Variants in ESYT2 observed in about 807,000 individuals in gnomAD.
The protein encoded by ESYT2 is extended synaptotagmin 2, also known as extended synaptotagmin-2.
ESYT2 carries 54 observed loss-of-function variants against 107.2 expected under a neutral mutation model. The ratio of observed to expected loss-of-function variants is 0.50; its 90% CI spans 0.40 to 0.63. The LOEUF is 0.63. ESYT2 is among the 30% of genes least tolerant of loss of function. The pLI is 0.00. For synonymous variants in ESYT2, 491 were observed against 434.1 expected (o/e 1.13, Z -1.63); for missense variants, 1,020 against 1,094.5 (o/e 0.93, Z 0.96).
At chr7:158,744,812 A>AT (rs1243226258) in intron 16 of ESYT2, among the ~76,000 whole-genome samples, 2 of 152,246 alleles carry the variant, frequency 1.3e-5, no homozygotes, top group Admixed American at 6.5e-5. Flanking sequence ...AAATTAACAC[A>AT]TAACTACTCA....
rs139378459 is a variant in ESYT2, at chr7:158,792,122, G to A, written c.584+1528C>T. On this transcript the variant is annotated intron_variant, in intron 4 of 22. Transcript: ENST00000275418. ...ATTTTAGTGTGTTCACTTTGTATCCGGCTACTTTCCTGAATTTATTTCTTA... is the reference window on the plus strand; with the variant it reads ...ATTTTAGTGTGTTCACTTTGTATCCAGCTACTTTCCTGAATTTATTTCTTA... 2.6e-3 allele frequency among the ~76,000 whole-genome samples: 384 copies of A among 147,832 alleles called. 3 individuals carry two copies. The highest frequency in any genetic ancestry group is 8.4e-3 in the African/African-American group (341 of 40,390).
chr7:158,758,909 TACAA>T (rs1837862113), intron 13 of ESYT2, among the ~76,000 whole-genome samples: 1 of 152,234 alleles, frequency 6.6e-6, no homozygotes, highest in African/African-American at 2.4e-5. Context: ...ACAATTCTGA[TACAA>T]ACAAAAATAT....
Position 158,760,397 on chromosome 7 carries a change from G to A in ESYT2, c.1234-250C>T, listed in dbSNP as rs115776498. ...AGTGCTTTACACACACCAACCCCGTGACCCCGACAGAAACCCTAAGCAAGT... is the reference window on the plus strand; with the variant it reads ...AGTGCTTTACACACACCAACCCCGTAACCCCGACAGAAACCCTAAGCAAGT... On this transcript the variant is annotated intron_variant, in intron 11 of 22. Coordinates refer to ENST00000275418, the MANE Select transcript of ESYT2 (RefSeq NM_001367773.1). Among the ~76,000 whole-genome samples the A allele has an allele frequency of 8.4e-3, 1,274 of 152,312 alleles. 20 individuals are homozygous for A. Among genetic ancestry groups the A allele is most frequent in the African/African-American group, 0.029 (1,211 of 41,562 alleles).
chr7:158,782,484 AG>A, intron 6 of ESYT2, among the ~76,000 whole-genome samples: 1 of 88,570 alleles, frequency 1.1e-5, no homozygotes, highest in African/African-American at 2.9e-5. Flanking sequence ...GAACAGTGAG[AG>A]GTGTGTGTGA....
chr7:158,828,239 G>A (rs993057086), intron 1 of ESYT2, among the ~76,000 whole-genome samples: 3 of 152,212 alleles, frequency 2.0e-5, no homozygotes, highest in Non-Finnish European at 4.4e-5. Flanking sequence ...CCCGGTAGAA[G>A]AAAAAGTTAA....
chr7:158,788,239 C>A, intron 5 of ESYT2, 106 bp downstream of exon 5: 1 of 1,234,796 alleles, frequency 8.1e-7, no homozygotes, highest in African/African-American at 1.5e-5. Context: ...AAAAACTGAA[C>A]GTCAAAAAAA....
rs947180594 is a variant in ESYT2, at chr7:158,745,050, A to C, written c.1645-1372T>G. Among the ~76,000 whole-genome samples the C allele has an allele frequency of 3.9e-5, 6 of 152,374 alleles. No individual in the cohort carries two copies. In the East Asian group the frequency reaches 7.7e-4, roughly 20 times the overall value. On this transcript the variant is annotated intron_variant, in intron 16 of 22. Transcript: ENST00000275418. ...TTTTGTATAAAACAGAATGTAAAAA[A>C]GTATCAGATTGGGGCAAAAGTAATT...
chr7:158,749,587 C>T (rs535013807), intron 15 of ESYT2, 62 bp downstream of exon 15: 10 of 1,533,524 alleles, frequency 6.5e-6, no homozygotes, highest in African/African-American at 2.7e-5. Flanking sequence ...CCAGGTGAGA[C>T]GGCAACACGG....
At chr7:158,755,708 A>AGC (rs1188901801) in intron 13 of ESYT2, among the ~76,000 whole-genome samples, 1 of 152,240 alleles carries the variant, frequency 6.6e-6, no homozygotes, top group Non-Finnish European at 1.5e-5. Context: ...ACAGCCAGAG[A>AGC]GACTATGGTT....
chr7:158,751,990 A>C (rs1195164692), intron 14 of ESYT2, among the ~76,000 whole-genome samples: 1 of 152,146 alleles, frequency 6.6e-6, no homozygotes, highest in African/African-American at 2.4e-5. Flanking sequence ...CAAATACCAC[A>C]ATATAAAGCA....
intron 11 of ESYT2, among the ~76,000 whole-genome samples, chr7:158,761,183 C>G (rs1452544516): frequency 6.6e-6 from 1 of 152,228 alleles, no homozygotes. Flanking sequence ...GCATCTCGCA[C>G]AGCCCTGCCC....
rs150227675 is a variant in ESYT2, at chr7:158,772,937, G to A, written c.803+404C>T. 2.5e-4 allele frequency among the ~76,000 whole-genome samples: 37 copies of A among 149,802 alleles called. No homozygotes were observed. The East Asian group carries it at 5.6e-3, about 23-fold the overall frequency. ...AGAAAGGGTGGGGTAGCCATAGGCT[G>A]GAGAGACCCTGGAAAGCATTTCCTT... On this transcript the variant is annotated intron_variant, in intron 7 of 22. Coordinates refer to ENST00000275418, the MANE Select transcript of ESYT2 (RefSeq NM_001367773.1).
chr7:158,780,809 C>A (rs533524552), intron 6 of ESYT2, among the ~76,000 whole-genome samples: 2 of 152,254 alleles, frequency 1.3e-5, no homozygotes, highest in East Asian at 1.9e-4. Flanking sequence ...GCAAAGGGGT[C>A]CCCATGTTCA....
At position 158,741,784 on chromosome 7, in the gene ESYT2, G is replaced by A; in HGVS notation, c.1907C>T (p.Ser636Phe). ...GCTGCCACCAGGGCCTGGAGACCCA[G>A]ACATATGAGATTTGATGGATGTTTT... ...GRKTSIKSHMSGSPGPGGSNT... is the reference protein window; with the variant it reads ...GRKTSIKSHMFGSPGPGGSNT... Residue 636 changes from serine to phenylalanine, a missense_variant, in exon 18 of 23, where the codon TCT becomes TTT. Physicochemically the swap from Ser to Phe is radical, Grantham distance 155 (BLOSUM62 -2). Coordinates refer to ENST00000275418, the MANE Select transcript of ESYT2 (RefSeq NM_001367773.1). The A allele has an allele frequency of 6.2e-7, 1 of 1,614,086 alleles. No individual in the cohort carries two copies. The highest frequency in any genetic ancestry group is 8.5e-7 in the Non-Finnish European group (1 of 1,180,016).
At chr7:158,816,411 G>A (rs1840150146) in intron 1 of ESYT2, among the ~76,000 whole-genome samples, 1 of 152,188 alleles carries the variant, frequency 6.6e-6, no homozygotes, top group Non-Finnish European at 1.5e-5. Context: ...AAAACAGAAA[G>A]CAGAATGGCC....
intron 9 of ESYT2, among the ~76,000 whole-genome samples, 189 bp downstream of exon 9, chr7:158,764,488 T>A (rs1247281714): frequency 6.6e-6 from 1 of 152,236 alleles, no homozygotes; most frequent in Non-Finnish European, 1.5e-5. Context: ...CTTGTTGGCA[T>A]GACAAGAATG....
chr7:158,743,380 C>A, intron 17 of ESYT2, 149 bp downstream of exon 17: 2 of 929,130 alleles, frequency 2.2e-6, no homozygotes, highest in Non-Finnish European at 3.1e-6. Flanking sequence ...GCAACAATAT[C>A]TCCTCCCTGC....
intron 7 of ESYT2, among the ~76,000 whole-genome samples, chr7:158,771,529 C>T (rs533844153): frequency 6.6e-6 from 1 of 152,300 alleles, no homozygotes; most frequent in East Asian, 1.9e-4. Flanking sequence ...GGGGACCTAG[C>T]GGGAAAGGCG....
At chr7:158,828,388 G>C (rs141128637) in intron 1 of ESYT2, among the ~76,000 whole-genome samples, 3 of 152,390 alleles carry the variant, frequency 2.0e-5, no homozygotes, top group East Asian at 3.9e-4. Flanking sequence ...GAGCAGAACC[G>C]GCCGCTCAGG....
Sources: gnomAD v4.1 joint callset for allele counts (sites outside exome capture counted in the v4.1 genomes callset) on GRCh38, gnomAD v4.1.1 for gene constraint, MANE v1.5 for transcripts, NCBI Gene and HGNC (gene_info 2026-07-23, HGNC 2026-07-21) for gene names.